The following TM9SF4 variants were observed in gnomAD, a reference collection of about 807,000 sequenced individuals.
TM9SF4 encodes the protein transmembrane 9 superfamily member 4, also known as dinucleotide oxidase disulfide thiol exchanger 3 superfamily member 4.
A neutral mutation model predicts 90.4 loss-of-function variants in TM9SF4; 26 were observed. The observed-to-expected ratio is 0.29, with a 90% CI of 0.21 to 0.40. TM9SF4 has a LOEUF of 0.40. Ranked by LOEUF, TM9SF4 falls within the 10% of genes least tolerant of loss-of-function variation. TM9SF4 has a pLI of 1.00. For missense variants in TM9SF4, 549 were observed against 834.8 expected, an observed-to-expected ratio of 0.66 and a Z score of 4.22; for synonymous variants, 293 against 315.4, an observed-to-expected ratio of 0.93 and a Z score of 0.75.
chr20:32,128,451 T>C (rs1268915629), intron 1 of TM9SF4, among the ~76,000 whole-genome samples: 1 of 152,184 alleles, frequency 6.6e-6, no homozygotes, highest in Non-Finnish European at 1.5e-5. Flanking sequence ...TTTTTTAAAA[T>C]AAAATTTAGG....
chr20:32,128,691 T>C (rs1220778588), intron 1 of TM9SF4, among the ~76,000 whole-genome samples: 2 of 152,186 alleles, frequency 1.3e-5, no homozygotes, highest in Non-Finnish European at 2.9e-5. Context: ...TTGACGTTGT[T>C]TCTGAGTTGT....
chr20:32,115,425 TAGG>T (rs2122305587), intron 1 of TM9SF4, among the ~76,000 whole-genome samples: 1 of 152,310 alleles, frequency 6.6e-6, no homozygotes, highest in Non-Finnish European at 1.5e-5. Flanking sequence ...GGATGAATAA[TAGG>T]AGCCACTACC....
At chr20:32,109,939 G>A in intron 1 of TM9SF4, 184 bp downstream of exon 1, 2 of 1,422,908 alleles carry the variant, frequency 1.4e-6, no homozygotes, top group Non-Finnish European at 1.8e-6. Flanking sequence ...CCTGCACTCA[G>A]GCTTGTGAAG....
At chr20:32,156,319 A>G (rs1432224869) in intron 13 of TM9SF4, among the ~76,000 whole-genome samples, 1 of 152,210 alleles carries the variant, frequency 6.6e-6, no homozygotes, top group Non-Finnish European at 1.5e-5. Context: ...CTAATCCCCC[A>G]TATCCCATCT....
At chr20:32,145,230 A>G (rs2046746235) in intron 7 of TM9SF4, 21 bp downstream of exon 7, 1 of 1,613,830 alleles carries the variant, frequency 6.2e-7, no homozygotes, top group African/African-American at 1.3e-5. Flanking sequence ...GCTGGAGCTC[A>G]TGGGCAGGGG....
In TM9SF4 at chr20:32,165,571, T is replaced by A; in HGVS notation, c.*127T>A. 1 of 1,189,308 alleles carries A rather than the reference T, an allele frequency of 8.4e-7. No homozygotes were observed. Among genetic ancestry groups the A allele is most frequent in the Non-Finnish European group, 1.2e-6 (1 of 841,404 alleles). 73.7% of individuals were successfully genotyped at this position (1,189,308 alleles called of 1,614,324 possible). ...AATGTAACTCCTGGCACAGTGTTCC[T>A]GGATCCTGGGGCTGCGTGGGGGGCG... is the stretch of plus-strand genomic sequence containing the variant. On this transcript the variant is annotated 3_prime_UTR_variant, in exon 18 of 18. Coordinates refer to ENST00000398022, the MANE Select transcript of TM9SF4 (RefSeq NM_014742.4).
intron 14 of TM9SF4, 74 bp downstream of exon 14, chr20:32,158,043 C>A (rs1456391482): frequency 6.4e-7 from 1 of 1,572,664 alleles, no homozygotes. Context: ...CAGAAGGGTG[C>A]GGCAACCAGA....
intron 1 of TM9SF4, among the ~76,000 whole-genome samples, chr20:32,111,899 G>T (rs1366315687): frequency 6.6e-6 from 1 of 152,218 alleles, no homozygotes; most frequent in Admixed American, 6.5e-5. Context: ...AAACTGGAGG[G>T]AAGCAAGAGC....
chr20:32,129,674 T>G (rs2046482519), intron 1 of TM9SF4, among the ~76,000 whole-genome samples: 1 of 148,458 alleles, frequency 6.7e-6, no homozygotes, highest in East Asian at 2.0e-4. Flanking sequence ...AACTTCCGCC[T>G]CCCGGGTTCA....
At chr20:32,148,027 C>G (rs2046788722) in intron 9 of TM9SF4, among the ~76,000 whole-genome samples, 1 of 152,082 alleles carries the variant, frequency 6.6e-6, no homozygotes, top group African/African-American at 2.4e-5. Flanking sequence ...CCGGAGATCA[C>G]TTGAACCTGG....
At position 32,141,889 on chromosome 20, in the gene TM9SF4, C is replaced by T; in HGVS notation, c.522C>T (p.Val174=). Residue 174 remains valine, a synonymous_variant, in exon 5 of 18, where the codon GTC becomes GTT. Transcript: ENST00000398022. ...GCTACCGGCTCGGCTTCACAGATGT[C>T]AACAAGGTAGAGTGTCTTTGGCGTG... is the stretch of plus-strand genomic sequence containing the variant. ...EHGYRLGFTD[V]NKIYLHNHLS... 1.2e-6 allele frequency: 2 copies of T among 1,613,996 alleles called. No homozygotes were observed. Among genetic ancestry groups the T allele is most frequent in the Non-Finnish European group, 1.7e-6 (2 of 1,179,982 alleles).
intron 15 of TM9SF4, among the ~76,000 whole-genome samples, chr20:32,158,905 C>G (rs1026011202): frequency 6.6e-6 from 1 of 151,900 alleles, no homozygotes; most frequent in Non-Finnish European, 1.5e-5. Context: ...TCACTTGAAC[C>G]TGGGAGGTGG....
chr20:32,132,725 A>G (rs2046538268), intron 1 of TM9SF4, among the ~76,000 whole-genome samples: 1 of 152,228 alleles, frequency 6.6e-6, no homozygotes, highest in Non-Finnish European at 1.5e-5. Context: ...ATAAATGGTT[A>G]AAAGAACATT....
chr20:32,138,799 C>G (rs1462308381), intron 3 of TM9SF4, among the ~76,000 whole-genome samples: 2 of 152,224 alleles, frequency 1.3e-5, no homozygotes, highest in Non-Finnish European at 2.9e-5. Context: ...GTAGCTCTTT[C>G]TCTCCTCAAG....
chr20:32,129,713 T>A (rs898759528), intron 1 of TM9SF4, among the ~76,000 whole-genome samples: 25 of 151,788 alleles, frequency 1.6e-4, no homozygotes, highest in Non-Finnish European at 1.5e-5. Flanking sequence ...GCCTCCCAAG[T>A]AGCTGGGATT....
chr20:32,164,985 A>T (rs1429303523), intron 17 of TM9SF4, among the ~76,000 whole-genome samples: 2 of 150,978 alleles, frequency 1.3e-5, no homozygotes, highest in African/African-American at 4.8e-5. Context: ...TTCTCCAGCC[A>T]TGCGGGAGTG....
At chr20:32,121,692 T>C (rs1314035789) in intron 1 of TM9SF4, among the ~76,000 whole-genome samples, 1 of 152,198 alleles carries the variant, frequency 6.6e-6, no homozygotes, top group South Asian at 2.1e-4. Flanking sequence ...ACTGTCATCC[T>C]GGCCCGCTCT....
rs1212072638 is a variant in TM9SF4, at chr20:32,145,173, G to C, written c.735G>C (p.Glu245Asp). ...SSPQEIDPTK[E>D]NQLYFTYSVH... ...CCCAAGAAATTGACCCCACCAAGGA[G>C]AATCAGCTGTACTTCACCTACTCTG... Residue 245 changes from glutamate to aspartate, a missense_variant, in exon 7 of 18, where the codon GAG becomes GAC. This residue lies in a region of TM9SF4 where 495 missense variants were observed against 711.7 expected (regional missense o/e 0.70). Coordinates refer to ENST00000398022, the MANE Select transcript of TM9SF4 (RefSeq NM_014742.4). 6.8e-6 allele frequency: 11 copies of C among 1,614,192 alleles called. No individual in the cohort carries two copies. The highest frequency in any genetic ancestry group is 4.4e-5 in the South Asian group (4 of 91,080).
At chr20:32,154,010 T>G (rs1001554941) in intron 12 of TM9SF4, among the ~76,000 whole-genome samples, 2 of 152,130 alleles carry the variant, frequency 1.3e-5, no homozygotes, top group African/African-American at 4.8e-5. Context: ...AGACTTTCCT[T>G]CCAGACTTGC....
Sources: gnomAD v4.1 joint callset for allele counts (sites outside exome capture counted in the v4.1 genomes callset) on GRCh38, gnomAD v4.1.1 for gene constraint, gnomAD v4.1.1 regional missense constraint, MANE v1.5 for transcripts, NCBI Gene and HGNC (gene_info 2026-07-23, HGNC 2026-07-21) for gene names.